MICU1: variants seen among roughly 807,000 people sequenced by gnomAD.
MICU1 encodes calcium uptake protein 1, mitochondrial.
Under a neutral mutation model 56.8 loss-of-function variants are expected in MICU1, and 45 were observed. The observed-to-expected ratio is 0.79, with a 90% confidence interval of 0.62 to 1.02. The LOEUF is 1.02. Ranked by LOEUF, MICU1 falls within the 50% of genes least tolerant of loss-of-function variation. MICU1 has a pLI of 0.00. For synonymous variants in MICU1, 186 were observed against 195.1 expected, an observed-to-expected ratio of 0.95 and a Z score of 0.39; for missense variants, 504 against 587.1, an observed-to-expected ratio of 0.86 and a Z score of 1.46.
At chr10:72,390,545 T>C (rs1482006190) in intron 10 of MICU1, among the ~76,000 whole-genome samples, 1 of 152,212 alleles carries the variant, frequency 6.6e-6, no homozygotes, top group Non-Finnish European at 1.5e-5. Flanking sequence ...TACAGTGTTC[T>C]TCACAATGCT....
intron 5 of MICU1, chr10:72,524,133 T>C (rs1867901455): frequency 5.9e-6 from 2 of 336,380 alleles, no homozygotes. Context: ...TTTTTTGTTT[T>C]TGTTTTAGAG....
chr10:72,372,915 A>G (rs1589146849), intron 11 of MICU1, among the ~76,000 whole-genome samples: 1 of 146,388 alleles, frequency 6.8e-6, no homozygotes, highest in East Asian at 2.0e-4. Flanking sequence ...GTGAGCCTCA[A>G]AAAAAAAAAA....
At chr10:72,568,694 C>T (rs1219239287) in intron 1 of MICU1, among the ~76,000 whole-genome samples, 1 of 151,492 alleles carries the variant, frequency 6.6e-6, no homozygotes, top group African/African-American at 2.4e-5. Flanking sequence ...TTTGTTGCCC[C>T]ATCAATAGCC....
rs1295052762 is a variant in MICU1 at position 72,569,230 on chromosome 10, TATA to T, written c.-1-2439_-1-2437del. Among the ~76,000 whole-genome samples the T allele has an allele frequency of 6.6e-3, 382 of 57,534 alleles. 7 individuals carry two copies. Among genetic ancestry groups the T allele is most frequent in the South Asian group, 0.026 (41 of 1,572 alleles). The allele number at this position is 57,534 out of a possible 152,430, so 37.7% of individuals were successfully genotyped here. On this transcript the variant is annotated intron_variant, in intron 1 of 11. Coordinates refer to ENST00000361114, the MANE Select transcript of MICU1 (RefSeq NM_001195518.2). ...GCATATATATATATATATATATATA[TATA>T]TATATTTTTTTTTTTTTTTGAGATG...
intron 1 of MICU1, among the ~76,000 whole-genome samples, chr10:72,611,872 G>A (rs1190618134): frequency 1.3e-5 from 2 of 151,806 alleles, no homozygotes; most frequent in African/African-American, 2.4e-5. Context: ...CTATAGTCTC[G>A]GCTGCTTGGG....
intron 5 of MICU1, among the ~76,000 whole-genome samples, chr10:72,509,918 C>T (rs1867387904): frequency 6.6e-6 from 1 of 152,008 alleles, no homozygotes; most frequent in Non-Finnish European, 1.5e-5. Context: ...TTTTACGTTA[C>T]CCAAGATACT....
chr10:72,609,700 C>CTCCA (rs1309328490), intron 1 of MICU1, among the ~76,000 whole-genome samples: 9 of 149,968 alleles, frequency 6.0e-5, no homozygotes, highest in Admixed American at 2.7e-4. Context: ...CGCCACTGCA[C>CTCCA]TCCAGCCTGG....
chr10:72,564,837 T>C (rs1249401425), intron 2 of MICU1, among the ~76,000 whole-genome samples: 3 of 151,994 alleles, frequency 2.0e-5, no homozygotes, highest in Non-Finnish European at 4.4e-5. Flanking sequence ...CTACACAAAG[T>C]AGTTGCCAAG....
At chr10:72,463,069 C>CTT (rs797013532) in intron 8 of MICU1, among the ~76,000 whole-genome samples, 10 of 145,440 alleles carry the variant, frequency 6.9e-5, no homozygotes, top group Non-Finnish European at 1.2e-4. Flanking sequence ...GTCTTCTGCA[C>CTT]TTTTTTTTTT....
At chr10:72,491,098 G>A (rs1164930177) in intron 6 of MICU1, among the ~76,000 whole-genome samples, 4 of 152,152 alleles carry the variant, frequency 2.6e-5, no homozygotes, top group African/African-American at 7.2e-5. Context: ...CAAGAAGACC[G>A]ATGACCCTGT....
intron 8 of MICU1, among the ~76,000 whole-genome samples, chr10:72,428,488 A>G (rs1864420965): frequency 6.6e-6 from 1 of 152,004 alleles, no homozygotes; most frequent in South Asian, 2.1e-4. Context: ...AATTTTTTGT[A>G]TTTTTGGTAG....
chr10:72,472,998 G>A (rs1865996097), intron 8 of MICU1: 1 of 152,522 alleles, frequency 6.6e-6, no homozygotes. Context: ...TATTCAGGAG[G>A]CTGAGGCAGG....
chr10:72,425,826 G>A (rs1864328571), intron 8 of MICU1, among the ~76,000 whole-genome samples: 1 of 152,024 alleles, frequency 6.6e-6, no homozygotes, highest in South Asian at 2.1e-4. Context: ...TGTCCTATTT[G>A]TTCAAAATTT....
In MICU1 at chr10:72,384,025, G is replaced by A. The variant is rs144316462; in HGVS notation, c.1181-8153C>T. ...TTTTTTTTAATTGAGACAGGGTCTTGCTCTGTTGCTCAGGCTGGAGTGCAG... is the reference window on the plus strand; with the variant it reads ...TTTTTTTTAATTGAGACAGGGTCTTACTCTGTTGCTCAGGCTGGAGTGCAG... On this transcript the variant is annotated intron_variant, in intron 10 of 11. Transcript: ENST00000361114. Among the ~76,000 whole-genome samples, 17 of 151,842 alleles carry A rather than the reference G, an allele frequency of 1.1e-4. No homozygotes were observed. The East Asian group carries it at 1.6e-3, about 14-fold the overall frequency.
chr10:72,610,358 AT>A (rs1197652080), intron 1 of MICU1, among the ~76,000 whole-genome samples: 4 of 152,190 alleles, frequency 2.6e-5, no homozygotes, highest in Non-Finnish European at 4.4e-5. Flanking sequence ...ATTATGTGGA[AT>A]ATGGCAACTG....
At chr10:72,569,237 A>ATATATATATATTTTT in intron 1 of MICU1, among the ~76,000 whole-genome samples, 1 of 34,390 alleles carries the variant, frequency 2.9e-5, no homozygotes, top group Non-Finnish European at 5.1e-5. Context: ...ATATATATAT[A>ATATATATATATTTTT]TTTTTTTTTT....
At chr10:72,595,661 C>T (rs1028791418) in intron 1 of MICU1, among the ~76,000 whole-genome samples, 1 of 152,084 alleles carries the variant, frequency 6.6e-6, no homozygotes, top group African/African-American at 2.4e-5. Context: ...AGCTCTTGGT[C>T]CTGCTAATTG....
rs998334217 is a variant in MICU1, at chr10:72,546,766, C to T, written c.493+4413G>A. ...ATTGAGACAGGGTCTCACACTGTTGCCCAGGCTGGAGTACAGTGGCATGAC... is the reference window on the plus strand; with the variant it reads ...ATTGAGACAGGGTCTCACACTGTTGTCCAGGCTGGAGTACAGTGGCATGAC... On this transcript the variant is annotated intron_variant, in intron 4 of 11. Transcript: ENST00000361114. Among the ~76,000 whole-genome samples, 2 of 152,114 alleles carry T rather than the reference C, an allele frequency of 1.3e-5. 1 individual carries two copies. The highest frequency in any genetic ancestry group is 4.8e-5 in the African/African-American group (2 of 41,434).
chr10:72,512,243 C>A (rs542492816), intron 5 of MICU1, among the ~76,000 whole-genome samples: 1 of 150,876 alleles, frequency 6.6e-6, no homozygotes, highest in African/African-American at 2.4e-5. Context: ...TCCCAAGTAG[C>A]GGGATTACAG....
Sources: gnomAD v4.1 joint callset for allele counts (sites outside exome capture counted in the v4.1 genomes callset) on GRCh38, gnomAD v4.1.1 for gene constraint, MANE v1.5 for transcripts, NCBI Gene and HGNC (gene_info 2026-07-23, HGNC 2026-07-21) for gene names.